The following BMP6 variants were observed in gnomAD, a reference collection of about 807,000 sequenced individuals.
BMP6 encodes bone morphogenetic protein 6.
BMP6 carries 17 observed loss-of-function variants against 54.1 expected under a neutral mutation model. The ratio of observed to expected loss-of-function variants is 0.31; its 90% CI spans 0.22 to 0.47. The LOEUF is 0.47. Ranked by LOEUF, BMP6 falls within the 20% of genes least tolerant of loss-of-function variation. The pLI is 1.00. For synonymous variants in BMP6, 328 were observed against 291.2 expected (o/e 1.13, Z -1.28); for missense variants, 720 against 690.4 (o/e 1.04, Z -0.48).
intron 1 of BMP6, among the ~76,000 whole-genome samples, chr6:7,797,686 T>G (rs1561775039): frequency 6.6e-6 from 1 of 152,208 alleles, no homozygotes; most frequent in East Asian, 1.9e-4. Flanking sequence ...GGAGTGCAAA[T>G]TGCATGAGTA....
At chr6:7,807,913 C>CTTTTTTTT (rs755894743) in intron 1 of BMP6, among the ~76,000 whole-genome samples, 16 of 81,504 alleles carry the variant, frequency 2.0e-4, no homozygotes, top group East Asian at 3.8e-4. Flanking sequence ...GAAGTCTTTA[C>CTTTTTTTT]TTTTTTTTTT....
chr6:7,845,321 G>A lies in BMP6; in HGVS notation c.846G>A (p.Glu282=). Reference sequence around the variant, plus strand: ...TCAGCATTTATCAAGTCTTACAGGAGCATCAGCACAGGTATGAAGGCTCGA... The same window carrying A: ...TCAGCATTTATCAAGTCTTACAGGAACATCAGCACAGGTATGAAGGCTCGA... ...FLISIYQVLQ[E]HQHRDSDLFL... Residue 282 remains glutamate (E), a synonymous_variant, in exon 2 of 7, where the codon GAG becomes GAA. Transcript: ENST00000283147. 6.2e-7 allele frequency: 1 copy of A among 1,613,852 alleles called. No homozygotes were observed. Among genetic ancestry groups the A allele is most frequent in the Admixed American group, 1.7e-5 (1 of 59,986 alleles).
intron 2 of BMP6, among the ~76,000 whole-genome samples, chr6:7,847,237 G>C (rs1759080305): frequency 6.6e-6 from 1 of 152,190 alleles, no homozygotes; most frequent in Non-Finnish European, 1.5e-5. Context: ...TTCTAGGATG[G>C]GAGCATTTGG....
intron 4 of BMP6, among the ~76,000 whole-genome samples, chr6:7,868,858 GCCCACCTCTCTCCCTCTCCCTC>G (rs919202805): frequency 2.4e-4 from 37 of 152,022 alleles, no homozygotes; most frequent in South Asian, 2.1e-4. Flanking sequence ...ACGACTCCCT[GCCCACCTCTCTCCCTCTCCCTC>G]CCCACCTCTC....
At chr6:7,769,269 C>A (rs1757746264) in intron 1 of BMP6, among the ~76,000 whole-genome samples, 1 of 152,184 alleles carries the variant, frequency 6.6e-6, no homozygotes, top group Admixed American at 6.5e-5. Flanking sequence ...AAATGATGAG[C>A]AACCTGAGAA....
At chr6:7,747,941 A>G (rs2113125469) in intron 1 of BMP6, among the ~76,000 whole-genome samples, 1 of 152,228 alleles carries the variant, frequency 6.6e-6, no homozygotes, top group South Asian at 2.1e-4. Context: ...CCACTGTGCC[A>G]GGCTATGGAC....
chr6:7,800,381 A>G (rs991524612), intron 1 of BMP6, among the ~76,000 whole-genome samples: 5 of 152,192 alleles, frequency 3.3e-5, no homozygotes, highest in African/African-American at 1.2e-4. Context: ...TTTTGTAGAT[A>G]ATCAATAATG....
intron 1 of BMP6, among the ~76,000 whole-genome samples, chr6:7,795,375 G>A (rs1325080850): frequency 6.6e-6 from 1 of 152,206 alleles, no homozygotes; most frequent in East Asian, 1.9e-4. Context: ...AGATGATCTA[G>A]AGAGTGTGAC....
intron 1 of BMP6, among the ~76,000 whole-genome samples, chr6:7,830,811 A>C (rs187131938): frequency 6.6e-6 from 1 of 151,980 alleles, no homozygotes; most frequent in Non-Finnish European, 1.5e-5. Flanking sequence ...GCACGGGAAA[A>C]CCCACCCCCA....
chr6:7,835,221 C>G (rs901390600), intron 1 of BMP6, among the ~76,000 whole-genome samples: 23 of 152,214 alleles, frequency 1.5e-4, no homozygotes, highest in African/African-American at 5.5e-4. Context: ...CTCCCGGGTT[C>G]ACGCCATTCT....
chr6:7,806,084 G>A (rs188220651), intron 1 of BMP6, among the ~76,000 whole-genome samples: 3 of 152,316 alleles, frequency 2.0e-5, no homozygotes, highest in African/African-American at 2.4e-5. Flanking sequence ...GATTAACATC[G>A]AACATATTTT....
At chr6:7,743,102 G>A (rs1003721678) in intron 1 of BMP6, among the ~76,000 whole-genome samples, 3 of 152,122 alleles carry the variant, frequency 2.0e-5, no homozygotes, top group Non-Finnish European at 2.9e-5. Context: ...GTAGCCAAGG[G>A]AAAAATGAAA....
chr6:7,858,524 C>T (rs903409384), intron 2 of BMP6, among the ~76,000 whole-genome samples: 1 of 152,128 alleles, frequency 6.6e-6, no homozygotes, highest in African/African-American at 2.4e-5. Flanking sequence ...CTTTCAGCCT[C>T]TGCCCTGTCT....
chr6:7,760,321 T>C (rs1423448116), intron 1 of BMP6, among the ~76,000 whole-genome samples: 1 of 152,164 alleles, frequency 6.6e-6, no homozygotes, highest in Admixed American at 6.5e-5. Context: ...CTAAATACCT[T>C]TGTCAGTCTG....
chr6:7,760,447 C>T (rs1161495509), intron 1 of BMP6, among the ~76,000 whole-genome samples: 2 of 151,874 alleles, frequency 1.3e-5, no homozygotes, highest in Non-Finnish European at 2.9e-5. Context: ...CTCTCTTGGA[C>T]CATAGTTTTA....
At chr6:7,839,786 G>T (rs577778067) in intron 1 of BMP6, among the ~76,000 whole-genome samples, 10 of 152,282 alleles carry the variant, frequency 6.6e-5, no homozygotes, top group Non-Finnish European at 1.3e-4. Flanking sequence ...ACAAATATCC[G>T]TTCAAGGCCC....
At chr6:7,863,987 G>A (rs917481519) in intron 4 of BMP6, among the ~76,000 whole-genome samples, 3 of 149,474 alleles carry the variant, frequency 2.0e-5, no homozygotes, top group African/African-American at 7.5e-5. Flanking sequence ...GATTATGCCT[G>A]AGTGACAGAG....
chr6:7,786,261 C>T (rs943601296), intron 1 of BMP6, among the ~76,000 whole-genome samples: 2 of 152,096 alleles, frequency 1.3e-5, no homozygotes, highest in Admixed American at 6.6e-5. Flanking sequence ...CACATCTGGG[C>T]ACACCACACC....
At chr6:7,769,373 G>GT (rs1228754031) in intron 1 of BMP6, among the ~76,000 whole-genome samples, 1 of 152,180 alleles carries the variant, frequency 6.6e-6, no homozygotes, top group African/African-American at 2.4e-5. Flanking sequence ...GATGCCTGGG[G>GT]GGGTGGGAGT....
Sources: gnomAD v4.1 joint callset for allele counts (sites outside exome capture counted in the v4.1 genomes callset) on GRCh38, gnomAD v4.1.1 for gene constraint, MANE v1.5 for transcripts, NCBI Gene and HGNC (gene_info 2026-07-23, HGNC 2026-07-21) for gene names.